EEA1: variants seen among roughly 807,000 people sequenced by gnomAD.
The protein encoded by EEA1 is early endosome antigen 1, 162kD.
Under a neutral mutation model 209.2 loss-of-function variants are expected in EEA1, and 111 were observed. That is an observed-to-expected ratio of 0.53 (90% CI 0.45 to 0.62). The LOEUF (loss-of-function observed/expected upper bound fraction) is 0.62, where lower values mean the gene tolerates loss of function less well. EEA1 is among the 20% of genes least tolerant of loss of function. EEA1 has a pLI of 0.00. For synonymous variants in EEA1, 536 were observed against 540.6 expected, an observed-to-expected ratio of 0.99 and a Z score of 0.12; for missense variants, 1,343 against 1,530.8, an observed-to-expected ratio of 0.88 and a Z score of 2.05.
intron 2 of EEA1, chr12:92,884,511 G>A: frequency 6.8e-7 from 1 of 1,478,076 alleles, no homozygotes; most frequent in Non-Finnish European, 9.3e-7. Flanking sequence ...TTTGGAGGTG[G>A]TGGAAGCTAC....
intron 2 of EEA1, among the ~76,000 whole-genome samples, chr12:92,876,739 T>A (rs1347909387): frequency 3.5e-5 from 5 of 141,438 alleles, no homozygotes; most frequent in Non-Finnish European, 7.6e-5. Context: ...TGGCACACTA[T>A]AAAAACAGAG....
intron 13 of EEA1, among the ~76,000 whole-genome samples, chr12:92,822,044 C>G (rs1876078468): frequency 6.6e-6 from 1 of 150,916 alleles, no homozygotes; most frequent in Admixed American, 6.6e-5. Context: ...ATATATGGAG[C>G]TATGTATATA....
intron 22 of EEA1, among the ~76,000 whole-genome samples, chr12:92,787,412 G>A (rs1032137692): frequency 6.6e-6 from 1 of 152,010 alleles, no homozygotes; most frequent in Admixed American, 6.5e-5. Context: ...ATAATTAAGG[G>A]TAAGTTTATT....
chr12:92,866,015 T>C lies in EEA1; in HGVS notation c.118-1028A>G, dbSNP rs911063978. On this transcript the variant is annotated intron_variant, in intron 2 of 28. Transcript: ENST00000322349. The stretch of plus-strand genomic sequence containing the variant: ...CCACCCGCCTCGGCCTCCCAAAGCA[T>C]TGGGATTACAGGCATGAGCCACCAT... Among the ~76,000 whole-genome samples the C allele has an allele frequency of 4.6e-5, 7 of 151,478 alleles. 1 individual carries two copies. Among genetic ancestry groups the C allele is most frequent in the Admixed American group, 1.3e-4 (2 of 15,202 alleles).
intron 13 of EEA1, among the ~76,000 whole-genome samples, chr12:92,823,622 T>C (rs1876163317): frequency 6.6e-6 from 1 of 152,218 alleles, no homozygotes; most frequent in South Asian, 2.1e-4. Context: ...ATTACATCTG[T>C]TAGTTGTGAG....
chr12:92,890,124 CAAAG>C (rs1260397661), intron 2 of EEA1, among the ~76,000 whole-genome samples: 1 of 152,100 alleles, frequency 6.6e-6, no homozygotes, highest in Non-Finnish European at 1.5e-5. Context: ...GATTTCAAGT[CAAAG>C]AAAGAGTTTT....
chr12:92,775,181 T>C lies in EEA1; in HGVS notation c.*830A>G, dbSNP rs898059611. ...GAATAAGAACATTATACAATGTTTA[T>C]TATTCATCCTCCAACTGACAGCGAG... On this transcript the variant is annotated 3_prime_UTR_variant, in exon 29 of 29. Coordinates refer to ENST00000322349, the MANE Select transcript of EEA1 (RefSeq NM_003566.4). 4.0e-5 allele frequency: 6 copies of C among 151,690 alleles called. No individual in the cohort carries two copies. The highest frequency in any genetic ancestry group is 8.9e-5 in the Non-Finnish European group (6 of 67,684). The allele number at this position is 151,690 out of a possible 1,614,324, so 9.4% of individuals were successfully genotyped here. A position where few individuals can be genotyped will look rare whatever the true frequency, so the allele number is the denominator to read the frequency against.
chr12:92,805,116 C>G (rs7342310), intron 18 of EEA1, among the ~76,000 whole-genome samples: 127,175 of 152,140 alleles, frequency 0.84, 53,244 homozygotes, highest in East Asian at 0.98. Context: ...TTTTGAGGAA[C>G]AGAACAAAAG....
At chr12:92,926,898 C>T (rs73209558) in intron 1 of EEA1, among the ~76,000 whole-genome samples, 39,144 of 152,036 alleles carry the variant, frequency 0.26, 5,542 homozygotes, top group Non-Finnish European at 0.32. Context: ...TATTCTATTA[C>T]ATAGCACTGT....
chr12:92,897,555 C>T (rs1025140005), intron 1 of EEA1, among the ~76,000 whole-genome samples: 1 of 152,230 alleles, frequency 6.6e-6, no homozygotes, highest in African/African-American at 2.4e-5. Flanking sequence ...CACTCCCACA[C>T]TGTGGAGTGT....
chr12:92,808,886 T>C (rs527513143), intron 18 of EEA1, 131 bp downstream of exon 18: 58 of 742,044 alleles, frequency 7.8e-5, no homozygotes, highest in Non-Finnish European at 9.5e-5. Flanking sequence ...CATCAGTTTA[T>C]AAAATCAACA....
intron 1 of EEA1, among the ~76,000 whole-genome samples, chr12:92,926,456 T>C (rs1274140488): frequency 6.6e-6 from 1 of 152,238 alleles, no homozygotes; most frequent in South Asian, 2.1e-4. Context: ...CAAGTTATAC[T>C]TGTTGGTAAA....
chr12:92,857,595 T>TAA, intron 3 of EEA1, 110 bp from the exon 4 acceptor site: 1 of 636,990 alleles, frequency 1.6e-6, no homozygotes, highest in Non-Finnish European at 2.5e-6. Flanking sequence ...TTTTTTCAAT[T>TAA]CAAAAAAAAA....
chr12:92,868,781 G>A (rs542716374), intron 2 of EEA1, among the ~76,000 whole-genome samples: 2 of 151,860 alleles, frequency 1.3e-5, no homozygotes, highest in South Asian at 2.1e-4. Flanking sequence ...ATATAATTCC[G>A]CACCTTCTCA....
intron 7 of EEA1, among the ~76,000 whole-genome samples, chr12:92,852,532 A>C (rs1247657879): frequency 2.0e-5 from 3 of 152,144 alleles, no homozygotes; most frequent in African/African-American, 7.2e-5. Context: ...GTACTTAATC[A>C]CATATTTTAC....
At chr12:92,920,405 G>C (rs2136786577) in intron 1 of EEA1, among the ~76,000 whole-genome samples, 1 of 144,200 alleles carries the variant, frequency 6.9e-6, no homozygotes, top group African/African-American at 2.7e-5. Context: ...CAGAGATATA[G>C]ATAAATGGAA....
intron 20 of EEA1, among the ~76,000 whole-genome samples, chr12:92,800,568 G>A (rs1874861770): frequency 1.3e-5 from 2 of 152,136 alleles, no homozygotes; most frequent in African/African-American, 4.8e-5. Context: ...ATGCAAAACA[G>A]GAGTCAGAGA....
At chr12:92,822,972 C>T (rs1377601270) in intron 13 of EEA1, among the ~76,000 whole-genome samples, 2 of 152,092 alleles carry the variant, frequency 1.3e-5, no homozygotes, top group Non-Finnish European at 2.9e-5. Flanking sequence ...AGTCATTCCC[C>T]TTCTCCCTCA....
intron 1 of EEA1, among the ~76,000 whole-genome samples, chr12:92,907,075 C>A (rs1473222411): frequency 6.6e-6 from 1 of 152,072 alleles, no homozygotes; most frequent in African/African-American, 2.4e-5. Flanking sequence ...GAGAAGTTAT[C>A]TTTGCAAATA....
Sources: gnomAD v4.1 joint callset for allele counts (sites outside exome capture counted in the v4.1 genomes callset) on GRCh38, gnomAD v4.1.1 for gene constraint, MANE v1.5 for transcripts, NCBI Gene and HGNC (gene_info 2026-07-23, HGNC 2026-07-21) for gene names.